The following TXNDC5 variants were observed in gnomAD, a reference collection of about 807,000 sequenced individuals.
TXNDC5 encodes the protein thioredoxin domain-containing protein 5.
A neutral mutation model predicts 52.6 loss-of-function variants in TXNDC5; 44 were observed. The observed-to-expected ratio is 0.84, with a 90% confidence interval of 0.66 to 1.08. The LOEUF is 1.08. Ranked by LOEUF, TXNDC5 falls within the 50% of genes least tolerant of loss-of-function variation. TXNDC5 has a pLI of 0.00. For missense variants in TXNDC5, 600 were observed against 565.5 expected, an observed-to-expected ratio of 1.06 and a Z score of -0.62; for synonymous variants, 241 against 234.4, an observed-to-expected ratio of 1.03 and a Z score of -0.26.
In TXNDC5 at chr6:7,891,816, G is replaced by T; in HGVS notation, c.617-80C>A. 5 of 1,009,456 alleles carry T rather than the reference G, an allele frequency of 5.0e-6. No homozygotes were observed. The South Asian group carries it at 7.1e-5, about 14-fold the overall frequency. 62.5% of individuals were successfully genotyped at this position (1,009,456 alleles called of 1,614,324 possible). A position where few individuals can be genotyped will look rare whatever the true frequency, so the allele number is the denominator to read the frequency against. ...AGACCTCACTAGAGAGTTAATTGAA[G>T]AATCAGATCTTTGTCCTGCTTAGCA... is the stretch of plus-strand genomic sequence containing the variant. On this transcript the variant is annotated intron_variant, in intron 4 of 9. Transcript: ENST00000379757.
intron 9 of TXNDC5, 107 bp downstream of exon 9, chr6:7,884,252 A>C (rs1450280056): frequency 3.4e-6 from 5 of 1,460,088 alleles, no homozygotes. Context: ...TAAAAACCAC[A>C]TTGTTGAGAA....
chr6:7,910,666 C>T lies in TXNDC5; in HGVS notation c.111G>A (p.Arg37=). 2 of 1,194,738 alleles carry T rather than the reference C, an allele frequency of 1.7e-6. No homozygotes were observed. Among genetic ancestry groups the T allele is most frequent in the Non-Finnish European group, 2.1e-6 (2 of 955,568 alleles). 74.0% of individuals were successfully genotyped at this position (1,194,738 alleles called of 1,614,324 possible). A position where few individuals can be genotyped will look rare whatever the true frequency, so the allele number is the denominator to read the frequency against. ...GHGGGGRWGA[R]AQEAAAAAAD... ...CCGCCGCCGCCGCCGCCTCCTGGGC[C>T]CGGGCGCCCCAGCGCCCGCCGCCGC... Residue 37 remains arginine, a synonymous_variant, in exon 1 of 10, where the codon CGG becomes CGA. Transcript: ENST00000379757.
In TXNDC5 at chr6:7,884,451, C is replaced by T; in HGVS notation, c.1084G>A (p.Glu362Lys). 6.2e-7 allele frequency: 1 copy of T among 1,614,066 alleles called. No individual in the cohort carries two copies. The highest frequency in any genetic ancestry group is 8.5e-7 in the Non-Finnish European group (1 of 1,179,978). The change falls in exon 9 of 10, where the codon GAA (glutamate) becomes AAA (lysine). Residue 362 changes from glutamate to lysine, a missense_variant. Transcript: ENST00000379757. The stretch of plus-strand genomic sequence containing the variant: ...CCAGGGAATTCCTTTTTAGAGAGTT[C>T]CTCCCAAGTAGGAGCCAGAGTCTTA... ...HCKTLAPTWE[E>K]LSKKEFPGLA...
At chr6:7,885,763 T>C (rs962504897) in intron 8 of TXNDC5, among the ~76,000 whole-genome samples, 198 bp downstream of exon 8, 1 of 152,212 alleles carries the variant, frequency 6.6e-6, no homozygotes, top group African/African-American at 2.4e-5. Flanking sequence ...TCATTCTCCA[T>C]ATATAATTAA....
chr6:7,906,726 A>G (rs1454809711), intron 1 of TXNDC5, among the ~76,000 whole-genome samples: 1 of 152,050 alleles, frequency 6.6e-6, no homozygotes, highest in Non-Finnish European at 1.5e-5. Context: ...CTGTAGATTC[A>G]ACAAAGTGAG....
At chr6:7,899,751 T>C in intron 2 of TXNDC5, 70 bp from the exon 3 acceptor site, 1 of 1,275,002 alleles carries the variant, frequency 7.8e-7, no homozygotes, top group African/African-American at 1.5e-5. Context: ...ACTCATTTAG[T>C]GAAACAATCA....
At chr6:7,885,315 T>TA (rs1464999534) in intron 8 of TXNDC5, among the ~76,000 whole-genome samples, 7 of 152,208 alleles carry the variant, frequency 4.6e-5, no homozygotes, top group African/African-American at 1.4e-4. Context: ...GACAAAAAGT[T>TA]ACTCCCATTT....
intron 3 of TXNDC5, 55 bp downstream of exon 3, chr6:7,899,521 T>C: frequency 1.7e-6 from 2 of 1,171,192 alleles, no homozygotes; most frequent in Non-Finnish European, 2.3e-6. Context: ...CCCAAAGATG[T>C]AGGCAGGGAG....
chr6:7,910,767 G>C lies in TXNDC5; in HGVS notation c.10C>G (p.Arg4Gly). ...AGCAGCGGGAGGAGGCGTCCTGGGC[G>C]CGCGGGCATCGCGGCGGGGCTGGGC... MPA[R>G]PGRLLPLLAR... is the part of the protein sequence containing the mutation. The change falls in exon 1 of 10, where the codon CGC becomes GGC. Residue 4 changes from arginine to glycine, a missense_variant. Arg to Gly is a moderately radical substitution (Grantham distance 125). Coordinates refer to ENST00000379757, the MANE Select transcript of TXNDC5 (RefSeq NM_030810.5). The C allele has an allele frequency of 1.0e-6, 1 of 994,892 alleles. No homozygotes were observed. Among genetic ancestry groups the C allele is most frequent in the Admixed American group, 6.1e-5 (1 of 16,294 alleles). 61.6% of individuals were successfully genotyped at this position (994,892 alleles called of 1,614,324 possible). A position where few individuals can be genotyped will look rare whatever the true frequency, so the allele number is the denominator to read the frequency against.
At chr6:7,905,064 A>G (rs1435338713) in intron 1 of TXNDC5, among the ~76,000 whole-genome samples, 1 of 152,150 alleles carries the variant, frequency 6.6e-6, no homozygotes, top group Non-Finnish European at 1.5e-5. Context: ...GCCCTACTGC[A>G]GCATCTGCAG....
intron 7 of TXNDC5, among the ~76,000 whole-genome samples, chr6:7,886,604 CT>C (rs1335305729): frequency 2.0e-5 from 3 of 152,232 alleles, no homozygotes; most frequent in Non-Finnish European, 4.4e-5. Context: ...GGAAAGCAGC[CT>C]GTTCTAAGTC....
intron 9 of TXNDC5, 65 bp downstream of exon 9, chr6:7,884,294 G>A: frequency 6.3e-7 from 1 of 1,597,422 alleles, no homozygotes; most frequent in South Asian, 1.1e-5. Context: ...CGTGGTTGAG[G>A]CACAGTTCCC....
chr6:7,900,716 C>T (rs115624481), intron 2 of TXNDC5, among the ~76,000 whole-genome samples: 2,828 of 152,234 alleles, frequency 0.019, 92 homozygotes, highest in African/African-American at 0.064. Context: ...GATCAAGGTG[C>T]CAGCAGAGTC....
In TXNDC5 at chr6:7,883,045, T is replaced by C; in HGVS notation, c.*99A>G. 6.5e-7 allele frequency: 1 copy of C among 1,549,536 alleles called. No individual in the cohort carries two copies. Among genetic ancestry groups the C allele is most frequent in the Non-Finnish European group, 8.8e-7 (1 of 1,132,326 alleles). Reference sequence around the variant, plus strand: ...CTCACGCTTAGTATGTTCTGCTTTCTGAACAGCCACCACTGGGAACCCAGT... The same window carrying C: ...CTCACGCTTAGTATGTTCTGCTTTCCGAACAGCCACCACTGGGAACCCAGT... On this transcript the variant is annotated 3_prime_UTR_variant, in exon 10 of 10. Transcript: ENST00000379757.
Position 7,910,054 on chromosome 6 carries a change from C to G in TXNDC5, c.263+460G>C, listed in dbSNP as rs1760863211. 3 of 986,086 alleles carry G rather than the reference C, an allele frequency of 3.0e-6. No individual in the cohort carries two copies. In the African/African-American group the frequency reaches 5.2e-5, roughly 17 times the overall value. The allele number at this position is 986,086 out of a possible 1,614,324, so 61.1% of individuals were successfully genotyped here. ...ACCCCACCTTCCCCTCCCTCGGTGC[C>G]GAGGTGCAAGAGGCGGTTGAATTCA... On this transcript the variant is annotated intron_variant, in intron 1 of 9. Transcript: ENST00000379757.
At chr6:7,905,292 A>T (rs73367610) in intron 1 of TXNDC5, among the ~76,000 whole-genome samples, 2,225 of 152,242 alleles carry the variant, frequency 0.015, 52 homozygotes, top group African/African-American at 0.05. Context: ...ACAGTAGCTT[A>T]GCACTTCCTG....
intron 1 of TXNDC5, 76 bp downstream of exon 1, chr6:7,910,438 C>T (rs958526293): frequency 1.6e-6 from 2 of 1,264,234 alleles, no homozygotes; most frequent in Non-Finnish European, 2.0e-6. Context: ...CGGGACCCCC[C>T]GCCCGCGGCG....
At chr6:7,903,439 G>T (rs1760635068) in intron 2 of TXNDC5, among the ~76,000 whole-genome samples, 1 of 152,154 alleles carries the variant, frequency 6.6e-6, no homozygotes, top group African/African-American at 2.4e-5. Flanking sequence ...CATGTATTGG[G>T]TGTGCTCAGA....
chr6:7,909,443 T>C (rs1760837711), intron 1 of TXNDC5, among the ~76,000 whole-genome samples: 1 of 152,194 alleles, frequency 6.6e-6, no homozygotes, highest in Admixed American at 6.5e-5. Context: ...CATGCTTGTG[T>C]GAATGACAGG....
Sources: gnomAD v4.1 joint callset for allele counts (sites outside exome capture counted in the v4.1 genomes callset) on GRCh38, gnomAD v4.1.1 for gene constraint, MANE v1.5 for transcripts, NCBI Gene and HGNC (gene_info 2026-07-23, HGNC 2026-07-21) for gene names.